INVS: variants seen among roughly 807,000 people sequenced by gnomAD.
INVS encodes inversin.
In INVS, 86 loss-of-function variants were observed where a neutral mutation model predicts 108.8. The observed-to-expected ratio is 0.79, with a 90% CI of 0.66 to 0.95. The LOEUF (loss-of-function observed/expected upper bound fraction) is 0.95, where lower values mean the gene tolerates loss of function less well. Ranked by LOEUF, INVS falls within the 40% of genes least tolerant of loss-of-function variation. The pLI is 0.00. For synonymous variants in INVS, 455 were observed against 473.5 expected (o/e 0.96, Z 0.51); for missense variants, 1,169 against 1,297.4 (o/e 0.90, Z 1.52).
At chr9:100,241,879 T>C (rs1320468937) in intron 6 of INVS, among the ~76,000 whole-genome samples, 1 of 152,170 alleles carries the variant, frequency 6.6e-6, no homozygotes, top group Non-Finnish European at 1.5e-5. Flanking sequence ...GTATGAAATT[T>C]CAGGTTTCCT....
chr9:100,204,394 G>A (rs1224945845), intron 3 of INVS, among the ~76,000 whole-genome samples: 1 of 152,178 alleles, frequency 6.6e-6, no homozygotes, highest in Non-Finnish European at 1.5e-5. Context: ...TAAAGAAGTT[G>A]AATAGTTGGC....
chr9:100,219,596 C>G (rs1296102641), intron 3 of INVS, among the ~76,000 whole-genome samples: 1 of 152,098 alleles, frequency 6.6e-6, no homozygotes, highest in Non-Finnish European at 1.5e-5. Flanking sequence ...CAATCTCAAA[C>G]CAGAAGTTTC....
rs1055197568 is a variant in INVS, at chr9:100,181,810, C to A, written c.274-44252C>A. ...CAAAAAAGAGCCCATATAGCCAAGA[C>A]AATCCTAAGCAAAAAGAACAAAGCT... On this transcript the variant is annotated intron_variant, in intron 3 of 16. Transcript: ENST00000262457. Among the ~76,000 whole-genome samples, 6 of 152,106 alleles carry A rather than the reference C, an allele frequency of 3.9e-5. No individual in the cohort carries two copies. The East Asian group carries it at 1.2e-3, about 29-fold the overall frequency.
chr9:100,199,969 G>A (rs1006371686), intron 3 of INVS, among the ~76,000 whole-genome samples: 14 of 151,916 alleles, frequency 9.2e-5, no homozygotes. Flanking sequence ...AGGTCATTGA[G>A]GTTCTATTGA....
At chr9:100,127,873 C>CTAGTGAA (rs1476208203) in intron 3 of INVS, among the ~76,000 whole-genome samples, 3 of 152,064 alleles carry the variant, frequency 2.0e-5, no homozygotes, top group African/African-American at 7.2e-5. Context: ...GGCTTGTCAG[C>CTAGTGAA]TAATGAAATT....
intron 3 of INVS, among the ~76,000 whole-genome samples, chr9:100,133,660 T>C (rs1344733302): frequency 2.6e-5 from 4 of 152,004 alleles, no homozygotes; most frequent in African/African-American, 9.7e-5. Context: ...TCAATATTGA[T>C]TGATGGTGAA....
chr9:100,244,663 A>G (rs1316296356), intron 7 of INVS, among the ~76,000 whole-genome samples: 1 of 152,222 alleles, frequency 6.6e-6, no homozygotes, highest in East Asian at 1.9e-4. Flanking sequence ...ATATAAGCTC[A>G]GTTTCAAGTC....
At position 100,300,909 on chromosome 9, in the gene INVS, T is replaced by TATA. The variant is rs1767711398; in HGVS notation, c.*235_*236insATA. On this transcript the variant is annotated 3_prime_UTR_variant, in exon 17 of 17. Coordinates refer to ENST00000262457, the MANE Select transcript of INVS (RefSeq NM_014425.5). ...ACTGAAAGGACCTGCATAGACTATGTCTGTGCAAAGTGCCTGAGTGTCTGC... is the reference window on the plus strand; with the variant it reads ...ACTGAAAGGACCTGCATAGACTATGTATACTGTGCAAAGTGCCTGAGTGTCTGC... 1.8e-6 allele frequency: 1 copy of TATA among 558,582 alleles called. No homozygotes were observed. The highest frequency in any genetic ancestry group is 3.2e-6 in the Non-Finnish European group (1 of 311,680). 34.6% of individuals were successfully genotyped at this position (558,582 alleles called of 1,614,324 possible).
At chr9:100,276,052 C>G (rs1182375708) in intron 12 of INVS, among the ~76,000 whole-genome samples, 1 of 152,192 alleles carries the variant, frequency 6.6e-6, no homozygotes, top group Non-Finnish European at 1.5e-5. Flanking sequence ...TCTCCCTTCT[C>G]ACATCTTTTA....
intron 11 of INVS, among the ~76,000 whole-genome samples, chr9:100,269,979 C>T (rs1832902556): frequency 6.6e-6 from 1 of 152,138 alleles, no homozygotes; most frequent in Non-Finnish European, 1.5e-5. Context: ...CCATTTTCTC[C>T]TCATGCCAAG....
At chr9:100,271,867 C>T (rs1358013280) in intron 11 of INVS, among the ~76,000 whole-genome samples, 10 of 151,424 alleles carry the variant, frequency 6.6e-5, no homozygotes, top group Non-Finnish European at 1.0e-4. Flanking sequence ...TTATGGTTTC[C>T]GAAATTTTTT....
intron 1 of INVS, chr9:100,101,592 AATT>A (rs1330664146): frequency 2.0e-5 from 3 of 152,292 alleles, no homozygotes; most frequent in South Asian, 4.1e-4. Flanking sequence ...GCTTTACCAT[AATT>A]AAGAAAGTAT....
At chr9:100,104,711 T>C in intron 2 of INVS, 84 bp downstream of exon 2, 1 of 847,736 alleles carries the variant, frequency 1.2e-6, no homozygotes, top group Non-Finnish European at 2.0e-6. Context: ...TAATTTGCAA[T>C]GTACTCATAC....
chr9:100,108,297 T>C (rs1404393462), intron 2 of INVS, among the ~76,000 whole-genome samples: 1 of 152,168 alleles, frequency 6.6e-6, no homozygotes, highest in Non-Finnish European at 1.5e-5. Flanking sequence ...GCTAATAAAC[T>C]TATTTATAAA....
intron 3 of INVS, among the ~76,000 whole-genome samples, chr9:100,184,759 A>G (rs1460181216): frequency 6.6e-6 from 1 of 152,164 alleles, no homozygotes; most frequent in Non-Finnish European, 1.5e-5. Context: ...GAGATCTTTC[A>G]GAGCATCTCA....
At position 100,300,552 on chromosome 9, in the gene INVS, T is replaced by C; in HGVS notation, c.3092-16T>C. 1 of 1,445,360 alleles carries C rather than the reference T, an allele frequency of 6.9e-7. No homozygotes were observed. The highest frequency in any genetic ancestry group is 1.1e-5 in the South Asian group (1 of 87,570). 89.5% of individuals were successfully genotyped at this position (1,445,360 alleles called of 1,614,324 possible). Reference sequence around the variant, plus strand: ...ATTAATAACCTTAATATCTATCTGGTATTTGTTTTTAACAGTGAGCAACCT... The same window carrying C: ...ATTAATAACCTTAATATCTATCTGGCATTTGTTTTTAACAGTGAGCAACCT... On this transcript the variant is annotated splice_polypyrimidine_tract_variant and intron_variant, in intron 16 of 16. Transcript: ENST00000262457.
intron 2 of INVS, among the ~76,000 whole-genome samples, chr9:100,125,510 C>A (rs888866384): frequency 2.6e-5 from 4 of 152,118 alleles, no homozygotes; most frequent in Non-Finnish European, 5.9e-5. Context: ...GAACTTACCA[C>A]CAGGTTGTCT....
chr9:100,126,419 G>A lies in INVS; in HGVS notation c.143G>A (p.Gly48Glu). 6.2e-7 allele frequency: 1 copy of A among 1,614,016 alleles called. No individual in the cohort carries two copies. Among genetic ancestry groups the A allele is most frequent in the Non-Finnish European group, 8.5e-7 (1 of 1,179,928 alleles). The change falls in exon 3 of 17, where the codon GGG becomes GAG. Residue 48 changes from glycine to glutamate, a missense_variant. Coordinates refer to ENST00000262457, the MANE Select transcript of INVS (RefSeq NM_014425.5). Reference protein sequence around the residue: ...SALKDKEDQFGRTPLMYCVLA... With the variant: ...SALKDKEDQFERTPLMYCVLA... ...CTTAAAGACAAAGAAGATCAGTTTG[G>A]GAGAACACCACTTATGTATTGCGTG...
intron 1 of INVS, among the ~76,000 whole-genome samples, chr9:100,100,696 ATG>A (rs1404338037): frequency 0.16 from 4,244 of 25,748 alleles, 1,003 homozygotes; most frequent in East Asian, 0.3. Flanking sequence ...TATATTATAT[ATG>A]TACATATAAT....
Sources: allele counts gnomAD v4.1 joint callset (sites outside exome capture counted in the v4.1 genomes callset), GRCh38; gene constraint gnomAD v4.1.1; transcripts MANE v1.5; gene names NCBI Gene and HGNC (gene_info 2026-07-23, HGNC 2026-07-21).